The following ELAVL2 variants were observed in gnomAD, a reference collection of about 807,000 sequenced individuals.
ELAVL2 encodes ELAV-like protein 2.
In ELAVL2, 4 loss-of-function variants were observed where a neutral mutation model predicts 34.6. The ratio of observed to expected loss-of-function variants is 0.12; its 90% CI spans 0.06 to 0.26. The LOEUF (loss-of-function observed/expected upper bound fraction) is 0.26. Among genes scored for constraint, ELAVL2 ranks in the 10% least tolerant of loss-of-function variants. ELAVL2 has a pLI of 1.00. For synonymous variants in ELAVL2, 193 were observed against 154.8 expected (o/e 1.25, Z -1.83); for missense variants, 432 against 442.8 (o/e 0.98, Z 0.22).
At chr9:23,780,359 C>T (rs2058893630) in intron 1 of ELAVL2, among the ~76,000 whole-genome samples, 2 of 152,104 alleles carry the variant, frequency 1.3e-5, no homozygotes, top group South Asian at 4.1e-4. Context: ...GTTTAGGGTT[C>T]CCCCTGGACA....
intron 3 of ELAVL2, among the ~76,000 whole-genome samples, chr9:23,730,328 G>A (rs1288022527): frequency 1.3e-5 from 2 of 152,062 alleles, no homozygotes; most frequent in African/African-American, 4.8e-5. Context: ...GTCTTAAAAA[G>A]AAAAACAACA....
intron 2 of ELAVL2, among the ~76,000 whole-genome samples, chr9:23,745,549 A>G (rs569079435): frequency 7.9e-4 from 120 of 152,018 alleles, no homozygotes; most frequent in East Asian, 4.5e-3. Context: ...ACTTGCTGGG[A>G]AAAAAAACAT....
At chr9:23,706,359 T>C (rs1336561728) in intron 3 of ELAVL2, among the ~76,000 whole-genome samples, 3 of 152,198 alleles carry the variant, frequency 2.0e-5, no homozygotes, top group Non-Finnish European at 2.9e-5. Context: ...ATGTGATAGA[T>C]GCTAACACAT....
At chr9:23,787,470 G>T (rs1173158028) in intron 1 of ELAVL2, among the ~76,000 whole-genome samples, 1 of 151,486 alleles carries the variant, frequency 6.6e-6, no homozygotes, top group Non-Finnish European at 1.5e-5. Flanking sequence ...AACCTCAGGT[G>T]ATCCAACCGC....
At chr9:23,720,329 A>G (rs1587678003) in intron 3 of ELAVL2, among the ~76,000 whole-genome samples, 1 of 151,888 alleles carries the variant, frequency 6.6e-6, no homozygotes, top group East Asian at 2.0e-4. Context: ...ACCCGCCACC[A>G]TGTTCGGCTA....
At chr9:23,839,278 G>C in the ELAVL2 span, among the ~76,000 whole-genome samples, 2 of 150,888 alleles carry the variant, frequency 1.3e-5, no homozygotes, top group Non-Finnish European at 2.9e-5. Flanking sequence ...AATGACGACT[G>C]TTTTGAAAAA....
intron 1 of ELAVL2, among the ~76,000 whole-genome samples, chr9:23,787,541 T>C (rs1217178260): frequency 1.3e-5 from 2 of 151,536 alleles, no homozygotes; most frequent in Non-Finnish European, 2.9e-5. Context: ...CTCATCCCTA[T>C]TTTTCAAATG....
intron 1 of ELAVL2, among the ~76,000 whole-genome samples, chr9:23,820,893 T>TGACCGCGAGCTGC (rs2064529030): frequency 6.6e-6 from 1 of 152,308 alleles, no homozygotes; most frequent in Non-Finnish European, 1.5e-5. Context: ...ACCCGAGATG[T>TGACCGCGAGCTGC]GACCGCGAGC....
chr9:23,754,908 G>A (rs928223282), intron 2 of ELAVL2, among the ~76,000 whole-genome samples: 2 of 152,140 alleles, frequency 1.3e-5, no homozygotes, highest in Non-Finnish European at 2.9e-5. Context: ...TCAGAAGTAA[G>A]CGACTCATTA....
chr9:23,720,507 C>T (rs1010115854), intron 3 of ELAVL2, among the ~76,000 whole-genome samples: 1 of 152,126 alleles, frequency 6.6e-6, no homozygotes, highest in South Asian at 2.1e-4. Flanking sequence ...AAGAACCATA[C>T]TGAAAATTCT....
intron 3 of ELAVL2, among the ~76,000 whole-genome samples, chr9:23,728,215 C>T (rs1377953003): frequency 6.6e-6 from 1 of 151,904 alleles, no homozygotes; most frequent in Non-Finnish European, 1.5e-5. Flanking sequence ...TCTGTGGTTC[C>T]TCAAGGGTAA....
At chr9:23,718,324 A>C (rs1388853888) in intron 3 of ELAVL2, among the ~76,000 whole-genome samples, 1 of 152,134 alleles carries the variant, frequency 6.6e-6, no homozygotes. Flanking sequence ...ACCATACGCT[A>C]TCCAAGATTT....
intron 1 of ELAVL2, among the ~76,000 whole-genome samples, chr9:23,765,297 T>C (rs1464094455): frequency 4.6e-5 from 7 of 152,192 alleles, no homozygotes. Context: ...AATATAAGCA[T>C]TTTTAATTAA....
At chr9:23,833,977 T>A in the ELAVL2 span, among the ~76,000 whole-genome samples, 2 of 151,986 alleles carry the variant, frequency 1.3e-5, no homozygotes, top group Non-Finnish European at 2.9e-5. Context: ...CAATACATAA[T>A]CACTTCCTAT....
intron 1 of ELAVL2, among the ~76,000 whole-genome samples, chr9:23,782,502 G>A (rs1205197132): frequency 2.0e-5 from 3 of 152,100 alleles, no homozygotes; most frequent in African/African-American, 7.2e-5. Context: ...AATCTGGGAG[G>A]CAGAGGTTGC....
intron 2 of ELAVL2, among the ~76,000 whole-genome samples, chr9:23,740,154 T>G (rs540418200): frequency 6.6e-6 from 1 of 152,156 alleles, no homozygotes; most frequent in Non-Finnish European, 1.5e-5. Flanking sequence ...GTCAGTAAGT[T>G]TGTCGGGGAA....
At chr9:23,843,941 A>T in the ELAVL2 span, among the ~76,000 whole-genome samples, 2 of 152,048 alleles carry the variant, frequency 1.3e-5, no homozygotes, top group Non-Finnish European at 2.9e-5. Flanking sequence ...ATCTTGAACA[A>T]CTCAGCATCC....
At chr9:23,814,451 G>A (rs2063436844) in intron 1 of ELAVL2, among the ~76,000 whole-genome samples, 1 of 152,164 alleles carries the variant, frequency 6.6e-6, no homozygotes, top group African/African-American at 2.4e-5. Flanking sequence ...GAGGAAGGCT[G>A]TGGGTAGTTC....
intron 1 of ELAVL2, among the ~76,000 whole-genome samples, chr9:23,769,226 A>C (rs544610895): frequency 1.3e-5 from 2 of 152,210 alleles, no homozygotes; most frequent in African/African-American, 2.4e-5. Flanking sequence ...CAAAAAACAA[A>C]ACCAGGCATC....
Sources: allele counts gnomAD v4.1 joint callset (sites outside exome capture counted in the v4.1 genomes callset), GRCh38; gene constraint gnomAD v4.1.1; transcripts MANE v1.5; gene names NCBI Gene and HGNC (gene_info 2026-07-23, HGNC 2026-07-21).